Variants in RNF182 observed in about 807,000 individuals in gnomAD.
The protein encoded by RNF182 is ring finger protein 182.
RNF182 carries 15 observed loss-of-function variants against 14.4 expected under a neutral mutation model. That is an observed-to-expected ratio of 1.04 (90% CI 0.70 to 1.60). The LOEUF (loss-of-function observed/expected upper bound fraction) is 1.60, where lower values mean the gene tolerates loss of function less well. Among genes scored for constraint, RNF182 ranks in the 40% most tolerant of loss-of-function variants. The pLI is 0.00. For synonymous variants in RNF182, 128 were observed against 122.9 expected, an observed-to-expected ratio of 1.04 and a Z score of -0.27; for missense variants, 268 against 294.8, an observed-to-expected ratio of 0.91 and a Z score of 0.67.
At chr6:13,954,645 G>A (rs949702571) in intron 1 of RNF182, among the ~76,000 whole-genome samples, 1 of 152,064 alleles carries the variant, frequency 6.6e-6, no homozygotes, top group African/African-American at 2.4e-5. Flanking sequence ...CCCTTACAGT[G>A]TGGCACAGGA....
At chr6:13,935,027 G>A (rs1166218558) in intron 1 of RNF182, among the ~76,000 whole-genome samples, 2 of 152,180 alleles carry the variant, frequency 1.3e-5, no homozygotes, top group Admixed American at 1.3e-4. Context: ...ATTCTATGTG[G>A]AATAGGAAGC....
At chr6:13,927,586 C>CA (rs914611541) in intron 1 of RNF182, among the ~76,000 whole-genome samples, 12 of 151,580 alleles carry the variant, frequency 7.9e-5, no homozygotes, top group African/African-American at 2.4e-4. Flanking sequence ...TATCCAAAGA[C>CA]AAAAAAAAGC....
At chr6:13,945,244 A>G (rs572499143) in intron 1 of RNF182, among the ~76,000 whole-genome samples, 1 of 152,356 alleles carries the variant, frequency 6.6e-6, no homozygotes, top group South Asian at 2.1e-4. Flanking sequence ...GAGTCTGTAC[A>G]TTAGAGAGAG....
chr6:13,969,227 C>T (rs1235234132), intron 1 of RNF182, among the ~76,000 whole-genome samples: 2 of 152,098 alleles, frequency 1.3e-5, no homozygotes, highest in Admixed American at 1.3e-4. Flanking sequence ...TTTCTTGATA[C>T]ATCTTTTTCT....
chr6:13,952,665 A>G lies in RNF182; in HGVS notation c.-366-21545A>G, dbSNP rs180848605. On this transcript the variant is annotated intron_variant, in intron 1 of 2. Transcript: ENST00000488300. The stretch of plus-strand genomic sequence containing the variant: ...CTCATCACAGAATATGTTACTGGAA[A>G]GGGGTCCCAGTCCAGACCCCAAGAG... 2.4e-3 allele frequency among the ~76,000 whole-genome samples: 368 copies of G among 152,272 alleles called. 1 individual carries two copies. Among genetic ancestry groups the G allele is most frequent in the African/African-American group, 8.4e-3 (351 of 41,556 alleles).
intron 1 of RNF182, among the ~76,000 whole-genome samples, chr6:13,958,888 A>G (rs1759794921): frequency 6.6e-6 from 1 of 152,190 alleles, no homozygotes; most frequent in East Asian, 1.9e-4. Flanking sequence ...TCTCTCATGA[A>G]TAGATTAATG....
chr6:13,948,325 C>G (rs983778451), intron 1 of RNF182, among the ~76,000 whole-genome samples: 1 of 152,132 alleles, frequency 6.6e-6, no homozygotes. Context: ...GACAAAAAGT[C>G]TTAGGGCAGC....
At chr6:13,950,740 G>C (rs991455037) in intron 1 of RNF182, among the ~76,000 whole-genome samples, 3 of 151,660 alleles carry the variant, frequency 2.0e-5, no homozygotes, top group African/African-American at 7.3e-5. Flanking sequence ...CAGGTAATCT[G>C]CCTGCCTTGG....
chr6:13,936,808 T>C (rs980617994), intron 1 of RNF182, among the ~76,000 whole-genome samples: 1 of 152,138 alleles, frequency 6.6e-6, no homozygotes, highest in Non-Finnish European at 1.5e-5. Flanking sequence ...CAGGCAAATA[T>C]GGGACAGTTT....
chr6:13,931,447 A>G (rs1486443362), intron 1 of RNF182, among the ~76,000 whole-genome samples: 1 of 152,170 alleles, frequency 6.6e-6, no homozygotes, highest in African/African-American at 2.4e-5. Flanking sequence ...GTGTGGTATC[A>G]GGGATGAAGT....
chr6:13,940,887 C>A (rs960669900), intron 1 of RNF182, among the ~76,000 whole-genome samples: 1 of 151,944 alleles, frequency 6.6e-6, no homozygotes, highest in African/African-American at 2.4e-5. Context: ...TTCTAAAAAT[C>A]TTTTTGTTGA....
intron 2 of RNF182, among the ~76,000 whole-genome samples, chr6:13,974,692 C>G (rs1488532057): frequency 6.6e-6 from 1 of 152,188 alleles, no homozygotes; most frequent in African/African-American, 2.4e-5. Flanking sequence ...CTGTCAAATG[C>G]TGATGTTCTA....
rs370563371 is a variant in RNF182 at position 13,977,294 on chromosome 6, C to A, written c.175C>A (p.Gln59Lys). The A allele has an allele frequency of 1.2e-6, 2 of 1,614,102 alleles. No homozygotes were observed. The highest frequency in any genetic ancestry group is 2.7e-5 in the African/African-American group (2 of 74,940). ...GATCATAGACTTTGGGGACTCCCCA[C>A]AAGGTGTCATTGTCTGTCCTTTCTG... is the stretch of plus-strand genomic sequence containing the variant. ...YKIIDFGDSP[Q>K]GVIVCPFCRF... Residue 59 changes from glutamine (Q) to lysine (K), a missense_variant, in exon 3 of 3, where the codon CAA becomes AAA. Transcript: ENST00000488300.
chr6:13,965,445 AG>A (rs1759999503), intron 1 of RNF182, among the ~76,000 whole-genome samples: 1 of 152,224 alleles, frequency 6.6e-6, no homozygotes, highest in Non-Finnish European at 1.5e-5. Flanking sequence ...CTTAAAAATC[AG>A]GACTTGAGTC....
chr6:13,969,893 A>G (rs1760132515), intron 1 of RNF182, among the ~76,000 whole-genome samples: 1 of 152,172 alleles, frequency 6.6e-6, no homozygotes, highest in South Asian at 2.1e-4. Context: ...AAAACTTTGT[A>G]TTTATTTTTA....
chr6:13,930,392 A>G (rs992092417), intron 1 of RNF182, among the ~76,000 whole-genome samples: 8 of 152,184 alleles, frequency 5.3e-5, no homozygotes, highest in South Asian at 2.1e-4. Flanking sequence ...GCCTTGCTAT[A>G]TACATGTAAA....
rs1030071986 is a variant in RNF182 at position 13,968,937 on chromosome 6, G to A, written c.-366-5273G>A. On this transcript the variant is annotated intron_variant, in intron 1 of 2. Transcript: ENST00000488300. ...TCTAAAAACACAATAAATTCTCAAC[G>A]TCAAGTACAGCATGGTAACTGTATT... Among the ~76,000 whole-genome samples, 7 of 152,230 alleles carry A rather than the reference G, an allele frequency of 4.6e-5. No homozygotes were observed. The South Asian group carries it at 6.2e-4, about 14-fold the overall frequency.
intron 1 of RNF182, among the ~76,000 whole-genome samples, chr6:13,943,330 A>G (rs922861108): frequency 2.0e-5 from 3 of 150,656 alleles, no homozygotes; most frequent in Non-Finnish European, 3.0e-5. Context: ...CGTGTTGTCC[A>G]AGTTGTTCTT....
intron 1 of RNF182, among the ~76,000 whole-genome samples, chr6:13,939,840 G>T (rs1401611051): frequency 1.3e-5 from 2 of 152,162 alleles, no homozygotes; most frequent in Non-Finnish European, 2.9e-5. Context: ...ACTGTGCCCG[G>T]GCATAAATGC....
Sources: allele counts gnomAD v4.1 joint callset (sites outside exome capture counted in the v4.1 genomes callset), GRCh38; gene constraint gnomAD v4.1.1; transcripts MANE v1.5; gene names NCBI Gene and HGNC (gene_info 2026-07-23, HGNC 2026-07-21).